The following PTBP2 variants were observed in gnomAD, a reference collection of about 807,000 sequenced individuals.
The protein encoded by PTBP2 is polypyrimidine tract-binding protein 2.
In PTBP2, 13 loss-of-function variants were observed where a neutral mutation model predicts 61.4. The observed-to-expected ratio is 0.21, with a 90% CI of 0.14 to 0.34. PTBP2 has a LOEUF of 0.34. PTBP2 is among the 10% of genes least tolerant of loss of function. PTBP2 has a pLI of 1.00. For missense variants in PTBP2, 405 were observed against 642.6 expected (o/e 0.63, Z 4.00); for synonymous variants, 215 against 218.5 (o/e 0.98, Z 0.14).
intron 8 of PTBP2, among the ~76,000 whole-genome samples, chr1:96,789,285 G>A (rs1227025151): frequency 3.3e-5 from 5 of 152,036 alleles, no homozygotes; most frequent in African/African-American, 9.7e-5. Context: ...AATCATTGAC[G>A]TTAAAATAGT....
intron 3 of PTBP2, among the ~76,000 whole-genome samples, chr1:96,760,597 C>T (rs1040316806): frequency 1.3e-5 from 2 of 151,946 alleles, no homozygotes; most frequent in African/African-American, 2.4e-5. Context: ...AGGTGCACGC[C>T]ACCACACCCG....
chr1:96,812,358 A>G (rs955365531), intron 11 of PTBP2, among the ~76,000 whole-genome samples: 1 of 152,230 alleles, frequency 6.6e-6, no homozygotes, highest in Non-Finnish European at 1.5e-5. Context: ...GAGGAAGGCT[A>G]TCACAATATT....
At chr1:96,731,100 C>T (rs1018151380) in intron 2 of PTBP2, among the ~76,000 whole-genome samples, 1 of 152,068 alleles carries the variant, frequency 6.6e-6, no homozygotes, top group African/African-American at 2.4e-5. Context: ...GTGGCTGCAC[C>T]ACAGTGTAGT....
chr1:96,809,850 G>T (rs1282646887), intron 11 of PTBP2, among the ~76,000 whole-genome samples: 1 of 152,100 alleles, frequency 6.6e-6, no homozygotes, highest in East Asian at 1.9e-4. Flanking sequence ...TTAACTTTAA[G>T]AATAACAGTG....
chr1:96,791,826 C>CTTTTTTTTGTTTTTTTTTT (rs1482989030), intron 8 of PTBP2, among the ~76,000 whole-genome samples: 45 of 66,112 alleles, frequency 6.8e-4, no homozygotes, highest in Middle Eastern at 0.012. Context: ...TGGAGTTGTG[C>CTTTTTTTTGTTTTTTTTTT]TTTTTTTTTT....
At chr1:96,747,577 CTT>C (rs1016095031) in intron 2 of PTBP2, among the ~76,000 whole-genome samples, 14 of 152,044 alleles carry the variant, frequency 9.2e-5, no homozygotes, top group African/African-American at 1.9e-4. Flanking sequence ...TCTGTAATGA[CTT>C]TTTCATATTA....
chr1:96,784,366 G>C (rs1246839759), intron 7 of PTBP2, among the ~76,000 whole-genome samples: 1 of 152,072 alleles, frequency 6.6e-6, no homozygotes, highest in Non-Finnish European at 1.5e-5. Context: ...TTGAGATTCA[G>C]AGAGGTCAAA....
intron 2 of PTBP2, among the ~76,000 whole-genome samples, chr1:96,738,290 G>GT (rs1185625778): frequency 4.6e-5 from 7 of 151,650 alleles, no homozygotes; most frequent in Non-Finnish European, 8.8e-5. Flanking sequence ...AATAAGGTGA[G>GT]TTTTTTTTGT....
At chr1:96,724,846 T>TA (rs1315774808) in intron 2 of PTBP2, among the ~76,000 whole-genome samples, 4 of 152,104 alleles carry the variant, frequency 2.6e-5, no homozygotes, top group Non-Finnish European at 4.4e-5. Context: ...CCCTAAAACT[T>TA]AAAGTATAAT....
intron 2 of PTBP2, among the ~76,000 whole-genome samples, chr1:96,725,036 C>G (rs1650201927): frequency 6.6e-6 from 1 of 152,130 alleles, no homozygotes; most frequent in Non-Finnish European, 1.5e-5. Context: ...ATAATACGCT[C>G]TTTTTGGTGA....
At chr1:96,750,987 A>G (rs1654466001) in intron 2 of PTBP2, among the ~76,000 whole-genome samples, 1 of 152,058 alleles carries the variant, frequency 6.6e-6, no homozygotes, top group Non-Finnish European at 1.5e-5. Flanking sequence ...TAATTTTAAT[A>G]ATGATGAAGA....
intron 11 of PTBP2, among the ~76,000 whole-genome samples, chr1:96,811,080 C>A (rs545897313): frequency 1.8e-4 from 27 of 149,020 alleles, no homozygotes; most frequent in Non-Finnish European, 1.6e-4. Context: ...TTTTTTTAAA[C>A]AAATTAGGGA....
intron 9 of PTBP2, among the ~76,000 whole-genome samples, chr1:96,806,046 G>GT (rs1462282591): frequency 6.6e-6 from 1 of 151,864 alleles, no homozygotes; most frequent in African/African-American, 2.4e-5. Flanking sequence ...ATTTTATTTT[G>GT]TTTTTGTTCC....
intron 2 of PTBP2, among the ~76,000 whole-genome samples, chr1:96,738,923 ATTAT>A (rs1209640363): frequency 6.6e-6 from 1 of 152,226 alleles, no homozygotes; most frequent in Non-Finnish European, 1.5e-5. Flanking sequence ...TGATTACAGC[ATTAT>A]TTAAATAGTA....
Position 96,787,332 on chromosome 1 carries a change from A to C in PTBP2, c.904+2078A>C, listed in dbSNP as rs1047114747. Among the ~76,000 whole-genome samples the C allele has an allele frequency of 2.6e-5, 4 of 152,194 alleles. No homozygotes were observed. The South Asian group carries it at 8.3e-4, about 32-fold the overall frequency. On this transcript the variant is annotated intron_variant, in intron 8 of 13. Transcript: ENST00000674951. ...CCACCATGCCTGGCCGCTTTTGTTC[A>C]TTTTTTGAGCGTTGTACATTTTTAC...
intron 3 of PTBP2, among the ~76,000 whole-genome samples, chr1:96,760,441 T>G (rs1231445559): frequency 1.0e-5 from 1 of 98,306 alleles, no homozygotes; most frequent in African/African-American, 5.1e-5. Flanking sequence ...AATAGTTTGC[T>G]TTTTTTTTTT....
intron 3 of PTBP2, among the ~76,000 whole-genome samples, chr1:96,761,460 G>T (rs1028920033): frequency 2.6e-5 from 4 of 151,810 alleles, no homozygotes; most frequent in Non-Finnish European, 4.4e-5. Flanking sequence ...GGTAGGATCA[G>T]TATTGTATAG....
intron 11 of PTBP2, among the ~76,000 whole-genome samples, chr1:96,809,163 G>A (rs1318117612): frequency 1.3e-5 from 2 of 152,118 alleles, no homozygotes; most frequent in Non-Finnish European, 1.5e-5. Flanking sequence ...AGGTAGACTT[G>A]AGCAAATCTA....
intron 2 of PTBP2, among the ~76,000 whole-genome samples, chr1:96,727,790 C>G (rs2100790605): frequency 6.6e-6 from 1 of 152,108 alleles, no homozygotes; most frequent in Admixed American, 6.6e-5. Flanking sequence ...AGTCCTTTAT[C>G]AGCCATAAGG....
Sources: allele counts gnomAD v4.1 joint callset (sites outside exome capture counted in the v4.1 genomes callset), GRCh38; gene constraint gnomAD v4.1.1; transcripts MANE v1.5; gene names NCBI Gene and HGNC (gene_info 2026-07-23, HGNC 2026-07-21).